SLC9A5: variants seen among roughly 807,000 people sequenced by gnomAD.
The protein encoded by SLC9A5 is solute carrier family 9 member A5.
SLC9A5 carries 52 observed loss-of-function variants against 91.7 expected under a neutral mutation model. The observed-to-expected ratio is 0.57, with a 90% CI of 0.45 to 0.71. The LOEUF is 0.71. SLC9A5 is among the 30% of genes least tolerant of loss of function. The pLI is 0.00. For missense variants in SLC9A5, 871 were observed against 1,158.9 expected, an observed-to-expected ratio of 0.75 and a Z score of 3.61; for synonymous variants, 419 against 474.5, an observed-to-expected ratio of 0.88 and a Z score of 1.52.
At chr16:67,266,328 G>T in intron 15 of SLC9A5, 103 bp downstream of exon 15, 1 of 1,186,852 alleles carries the variant, frequency 8.4e-7, no homozygotes, top group Non-Finnish European at 1.2e-6. Context: ...CTATTCACTA[G>T]TTTATTCATC....
chr16:67,270,992 C>G lies in SLC9A5; in HGVS notation c.2473C>G (p.Pro825Ala), dbSNP rs1202246794. 6.2e-7 allele frequency: 1 copy of G among 1,613,906 alleles called. No individual in the cohort carries two copies. The highest frequency in any genetic ancestry group is 1.3e-5 in the African/African-American group (1 of 74,920). ...LPPHPRGTEE[P>A]QVPLHLPSDP... is the part of the protein sequence containing the mutation. Reference sequence around the variant, plus strand: ...TCCCCATCCACGGGGCACTGAAGAGCCCCAGGTCCCTCTCCACCTACCTTC... The same window carrying G: ...TCCCCATCCACGGGGCACTGAAGAGGCCCAGGTCCCTCTCCACCTACCTTC... Residue 825 changes from proline to alanine, a missense_variant, in exon 16 of 16, where the codon CCC becomes GCC. Physicochemically the swap from Pro to Ala is conservative, Grantham distance 27. This residue lies in a region of SLC9A5 where 295 missense variants were observed against 326.0 expected (regional missense o/e 0.90). Coordinates refer to ENST00000299798, the MANE Select transcript of SLC9A5 (RefSeq NM_004594.3). The surrounding 1 kb of genome is among the most constrained non-coding windows in gnomAD (Gnocchi z 4.3).
At position 67,270,714 on chromosome 16, in the gene SLC9A5, T is replaced by C; in HGVS notation, c.2219-24T>C. On this transcript the variant is annotated intron_variant, in intron 15 of 15. Coordinates refer to ENST00000299798, the MANE Select transcript of SLC9A5 (RefSeq NM_004594.3). The surrounding 1 kb of genome is among the most constrained non-coding windows in gnomAD (Gnocchi z 4.3). ...AGATTTCCACTGTATTGGTAATGAGTTCATGTGTACTCTCTGTCCCCAGGA... is the reference window on the plus strand; with the variant it reads ...AGATTTCCACTGTATTGGTAATGAGCTCATGTGTACTCTCTGTCCCCAGGA... 1 of 1,489,304 alleles carries C rather than the reference T, an allele frequency of 6.7e-7. No homozygotes were observed. The highest frequency in any genetic ancestry group is 1.2e-5 in the South Asian group (1 of 81,506). The allele number at this position is 1,489,304 out of a possible 1,614,324, so 92.3% of individuals were successfully genotyped here.
chr16:67,254,991 C>G, intron 2 of SLC9A5, 30 bp from the exon 3 acceptor site: 1 of 1,591,638 alleles, frequency 6.3e-7, no homozygotes. Flanking sequence ...TCTTCAATGA[C>G]TGGCCTGTCC....
chr16:67,251,403 CTTTTTTTTTTT>C (rs939453669), intron 1 of SLC9A5, among the ~76,000 whole-genome samples: 13 of 64,808 alleles, frequency 2.0e-4, no homozygotes, highest in South Asian at 1.4e-3. Flanking sequence ...AGTAGATTGT[CTTTTTTTTTTT>C]TTTTTTTTTT....
rs1266580763 is a variant in SLC9A5, at chr16:67,270,254, C to T, written c.2219-484C>T. Among the ~76,000 whole-genome samples the T allele has an allele frequency of 6.6e-6, 1 of 152,102 alleles. No homozygotes were observed. The highest frequency in any genetic ancestry group is 1.5e-5 in the Non-Finnish European group (1 of 68,020). ...AGGCTGGAGTGCAGTGGCGAGATCT[C>T]GGCTCATTGCAACCTCTGCCTCCCG... On this transcript the variant is annotated intron_variant, in intron 15 of 15. Transcript: ENST00000299798. This position sits in a 1 kb window ranked among gnomAD's most constrained non-coding sequence, Gnocchi z 4.3.
At chr16:67,250,636 G>C (rs1036578522) in intron 1 of SLC9A5, among the ~76,000 whole-genome samples, 1 of 152,146 alleles carries the variant, frequency 6.6e-6, no homozygotes, top group Non-Finnish European at 1.5e-5. Context: ...GAAAATCCTC[G>C]AACAAGAGAA....
chr16:67,269,497 C>T (rs993093302), intron 15 of SLC9A5, among the ~76,000 whole-genome samples: 1 of 152,134 alleles, frequency 6.6e-6, no homozygotes, highest in African/African-American at 2.4e-5. Flanking sequence ...TACAGTTCAC[C>T]CAGTAAATGC....
At position 67,270,867 on chromosome 16, in the gene SLC9A5, T is replaced by G; in HGVS notation, c.2348T>G (p.Val783Gly). ...VYVSSETTKI[V>G]PVDMQTGWNQ... ...GTGTCCTCGGAAACCACCAAGATTG[T>G]GCCTGTGGACATGCAGACGGGTTGG... Residue 783 changes from valine to glycine, a missense_variant, in exon 16 of 16, where the codon GTG becomes GGG. Physicochemically the swap from Val to Gly is moderately radical, Grantham distance 109. Coordinates refer to ENST00000299798, the MANE Select transcript of SLC9A5 (RefSeq NM_004594.3). The surrounding 1 kb of genome is among the most constrained non-coding windows in gnomAD (Gnocchi z 4.3). The G allele has an allele frequency of 6.2e-7, 1 of 1,614,044 alleles. No homozygotes were observed.
chr16:67,255,598 G>T lies in SLC9A5; in HGVS notation c.733+127G>T. Reference sequence around the variant, plus strand: ...CCTCATCTCCTCTATAGAGAAATGGGGTCTGGGAGGGGCTTGCCAGGGATC... The same window carrying T: ...CCTCATCTCCTCTATAGAGAAATGGTGTCTGGGAGGGGCTTGCCAGGGATC... On this transcript the variant is annotated intron_variant, in intron 4 of 15. Transcript: ENST00000299798. The surrounding 1 kb of genome is among the most constrained non-coding windows in gnomAD (Gnocchi z 4.9). 1 of 1,283,636 alleles carries T rather than the reference G, an allele frequency of 7.8e-7. No homozygotes were observed. Among genetic ancestry groups the T allele is most frequent in the Non-Finnish European group, 1.1e-6 (1 of 904,244 alleles). 79.5% of individuals were successfully genotyped at this position (1,283,636 alleles called of 1,614,324 possible).
chr16:67,259,874 C>T lies in SLC9A5; in HGVS notation c.1770C>T (p.Arg590=). ...CLDLQVIDTV[R]SGRDREDAVM... is the part of the protein sequence containing the mutation. ...ATCTGCAGGTGATTGACACAGTACG[C>T]AGCGGCCGGGATCGTGAGGATGCTG... is the stretch of plus-strand genomic sequence containing the variant. Residue 590 remains arginine (R), a synonymous_variant, in exon 12 of 16, where the codon CGC becomes CGT. Coordinates refer to ENST00000299798, the MANE Select transcript of SLC9A5 (RefSeq NM_004594.3). 1 of 1,614,154 alleles carries T rather than the reference C, an allele frequency of 6.2e-7. No individual in the cohort carries two copies. Among genetic ancestry groups the T allele is most frequent in the Non-Finnish European group, 8.5e-7 (1 of 1,180,016 alleles).
Position 67,255,973 on chromosome 16 carries a change from A to G in SLC9A5, c.911+43A>G. The G allele has an allele frequency of 1.3e-6, 2 of 1,594,282 alleles. No homozygotes were observed. Among genetic ancestry groups the G allele is most frequent in the Non-Finnish European group, 1.7e-6 (2 of 1,168,584 alleles). Reference sequence around the variant, plus strand: ...TGCAGGCAGATAGCTGGGAGGGGGCACTGGAGATGGTTGCCCCTCATAGGG... The same window carrying G: ...TGCAGGCAGATAGCTGGGAGGGGGCGCTGGAGATGGTTGCCCCTCATAGGG... On this transcript the variant is annotated intron_variant, in intron 5 of 15. Coordinates refer to ENST00000299798, the MANE Select transcript of SLC9A5 (RefSeq NM_004594.3). The surrounding 1 kb of genome is among the most constrained non-coding windows in gnomAD (Gnocchi z 4.9).
Position 67,249,051 on chromosome 16 carries a change from C to T in SLC9A5, c.37C>T (p.Leu13=), listed in dbSNP as rs2034998474. The part of the protein sequence containing the change: ...RAALSLLALP[L]AGAAEEPTQK... ...CGCCCTGTCCCTGCTCGCGCTGCCC[C>T]TGGCGGGGGCGGCCGAAGAGCCCAC... The change falls in exon 1 of 16, where the codon CTG becomes TTG. Residue 13 remains leucine (L), a synonymous_variant. Transcript: ENST00000299798. 1 of 1,506,406 alleles carries T rather than the reference C, an allele frequency of 6.6e-7. No homozygotes were observed. The highest frequency in any genetic ancestry group is 2.1e-5 in the Admixed American group (1 of 47,526). The allele number at this position is 1,506,406 out of a possible 1,614,324, so 93.3% of individuals were successfully genotyped here. A position where few individuals can be genotyped will look rare whatever the true frequency, so the allele number is the denominator to read the frequency against.
intron 15 of SLC9A5, among the ~76,000 whole-genome samples, chr16:67,268,177 T>C (rs930556309): frequency 1.6e-5 from 2 of 126,972 alleles, no homozygotes; most frequent in Admixed American, 7.7e-5. Flanking sequence ...ATGCCCAGCC[T>C]TTTTTTTTTT....
chr16:67,260,247 C>T (rs993605880), intron 12 of SLC9A5, among the ~76,000 whole-genome samples: 5 of 150,062 alleles, frequency 3.3e-5, no homozygotes, highest in Non-Finnish European at 5.9e-5. Context: ...CCCAGCTACT[C>T]GGGAGGCTGA....
At chr16:67,264,901 G>T in intron 13 of SLC9A5, 139 bp from the exon 14 acceptor site, 1 of 831,302 alleles carries the variant, frequency 1.2e-6, no homozygotes. Flanking sequence ...GTTGGCCAAG[G>T]GATGGTAGAA....
chr16:67,255,973 A>C lies in SLC9A5; in HGVS notation c.911+43A>C. The C allele has an allele frequency of 6.3e-7, 1 of 1,594,282 alleles. No individual in the cohort carries two copies. Among genetic ancestry groups the C allele is most frequent in the South Asian group, 1.1e-5 (1 of 88,900 alleles). ...TGCAGGCAGATAGCTGGGAGGGGGC[A>C]CTGGAGATGGTTGCCCCTCATAGGG... On this transcript the variant is annotated intron_variant, in intron 5 of 15. Transcript: ENST00000299798. The surrounding 1 kb of genome is among the most constrained non-coding windows in gnomAD (Gnocchi z 4.9).
chr16:67,264,965 G>A (rs1267763469), intron 13 of SLC9A5, 75 bp from the exon 14 acceptor site: 17 of 1,484,556 alleles, frequency 1.1e-5, no homozygotes, highest in Admixed American at 1.7e-5. Flanking sequence ...AACTTGTCCT[G>A]TTGACCCCAC....
intron 13 of SLC9A5, among the ~76,000 whole-genome samples, chr16:67,264,736 T>C (rs549650210): frequency 6.6e-6 from 1 of 152,194 alleles, no homozygotes; most frequent in South Asian, 2.1e-4. Flanking sequence ...CTCTTGGCCA[T>C]GTGGTCACCT....
At position 67,255,559 on chromosome 16, in the gene SLC9A5, G is replaced by A; in HGVS notation, c.733+88G>A. ...TCCCACCCCGCATCAGGACAGAAGA[G>A]GCTATTCGGGTTGCCTCATCTCCTC... On this transcript the variant is annotated intron_variant, in intron 4 of 15. Transcript: ENST00000299798. The surrounding 1 kb of genome is among the most constrained non-coding windows in gnomAD (Gnocchi z 4.9). The A allele has an allele frequency of 7.1e-7, 1 of 1,417,264 alleles. No homozygotes were observed. The highest frequency in any genetic ancestry group is 2.3e-5 in the East Asian group (1 of 43,768). 87.8% of individuals were successfully genotyped at this position (1,417,264 alleles called of 1,614,324 possible).
Sources: gnomAD v4.1 joint callset for allele counts (sites outside exome capture counted in the v4.1 genomes callset) on GRCh38, gnomAD v4.1.1 for gene constraint, gnomAD v4.1.1 regional missense constraint, Gnocchi (gnomAD v3.1) non-coding constraint, MANE v1.5 for transcripts, NCBI Gene and HGNC (gene_info 2026-07-23, HGNC 2026-07-21) for gene names.